Variants in LRIT1 observed in about 807,000 individuals in gnomAD.
The protein encoded by LRIT1 is leucine-rich repeat, immunoglobulin-like domain and transmembrane domain-containing protein 1.
A neutral mutation model predicts 24.0 loss-of-function variants in LRIT1; 23 were observed. The ratio of observed to expected loss-of-function variants is 0.96; its 90% confidence interval spans 0.69 to 1.36. The LOEUF is 1.36. LRIT1 is among the 40% of genes most tolerant of loss of function. The pLI, the probability that LRIT1 is intolerant of heterozygous loss-of-function variation, is 0.00. For synonymous variants in LRIT1, 361 were observed against 340.5 expected, an observed-to-expected ratio of 1.06 and a Z score of -0.66; for missense variants, 846 against 806.3, an observed-to-expected ratio of 1.05 and a Z score of -0.60.
At chr10:84,237,997 A>T (rs1210968759) in intron 1 of LRIT1, among the ~76,000 whole-genome samples, 2 of 152,164 alleles carry the variant, frequency 1.3e-5, no homozygotes, top group Non-Finnish European at 2.9e-5. Context: ...TGCACTAAGA[A>T]TGAACAGCAT....
chr10:84,233,000 C>A, intron 3 of LRIT1, 97 bp from the exon 4 acceptor site: 1 of 1,334,408 alleles, frequency 7.5e-7, no homozygotes, highest in South Asian at 1.4e-5. Context: ...GGTACACACT[C>A]AGGTGTCATC....
Position 84,232,908 on chromosome 10 carries a change from G to A in LRIT1, c.896-5C>T, listed in dbSNP as rs370498981. ...CACTGGAGACTTCCTGGTGCACTAG[G>A]AGGAAAACAGGCATGTGTGGGAGAA... On this transcript the variant is annotated splice_region_variant and splice_polypyrimidine_tract_variant and intron_variant, in intron 3 of 3. Coordinates refer to ENST00000372105, the MANE Select transcript of LRIT1 (RefSeq NM_015613.3). The A allele has an allele frequency of 3.0e-5, 48 of 1,606,984 alleles. No individual in the cohort carries two copies. Among genetic ancestry groups the A allele is most frequent in the Non-Finnish European group, 3.8e-5 (45 of 1,178,916 alleles).
At position 84,232,809 on chromosome 10, in the gene LRIT1, G is replaced by T; in HGVS notation, c.990C>A (p.Ala330=). The T allele has an allele frequency of 6.2e-7, 1 of 1,613,650 alleles. No homozygotes were observed. The highest frequency in any genetic ancestry group is 8.5e-7 in the Non-Finnish European group (1 of 1,180,032). ...HLDSGDYICQ[A]KNFLGASETV... ...TTTCAGAGGCTCCCAGGAAGTTCTT[G>T]GCTTGGCAGATGTAGTCTCCGGAGT... is the stretch of plus-strand genomic sequence containing the variant. Residue 330 remains alanine, a synonymous_variant, in exon 4 of 4, where the codon GCC becomes GCA. Coordinates refer to ENST00000372105, the MANE Select transcript of LRIT1 (RefSeq NM_015613.3).
In LRIT1 at chr10:84,232,395, C is replaced by A; in HGVS notation, c.1404G>T (p.Gln468His). ...GCACAATCACCCGCCGCATGCTGTG[C>A]TGCCCAAAGACCGCGTAGAGGACAC... is the stretch of plus-strand genomic sequence containing the variant. ...AFSVLYAVFG[Q>H]HSMRRVIVQP... Residue 468 changes from glutamine (Q) to histidine (H), a missense_variant, in exon 4 of 4, where the codon CAG becomes CAT. Gln to His is a conservative substitution (Grantham distance 24, BLOSUM62 0). Coordinates refer to ENST00000372105, the MANE Select transcript of LRIT1 (RefSeq NM_015613.3). 1.9e-6 allele frequency: 3 copies of A among 1,614,108 alleles called. No homozygotes were observed. The highest frequency in any genetic ancestry group is 2.5e-6 in the Non-Finnish European group (3 of 1,179,996).
Position 84,232,223 on chromosome 10 carries a change from G to T in LRIT1, c.1576C>A (p.Gln526Lys). 6.2e-7 allele frequency: 1 copy of T among 1,614,206 alleles called. No homozygotes were observed. ...NEVVDAENTQQLINVVVISVA... is the reference protein window; with the variant it reads ...NEVVDAENTQKLINVVVISVA... ...CTGATCACCACCACATTGATAAGCT[G>T]CTGAGTGTTCTCAGCATCCACCACT... The change falls in exon 4 of 4, where the codon CAG becomes AAG. Residue 526 changes from glutamine to lysine, a missense_variant. Gln to Lys is a moderately conservative substitution (Grantham distance 53). Coordinates refer to ENST00000372105, the MANE Select transcript of LRIT1 (RefSeq NM_015613.3).
chr10:84,232,933 A>G (rs756009322), intron 3 of LRIT1, 30 bp from the exon 4 acceptor site: 18 of 1,591,546 alleles, frequency 1.1e-5, no homozygotes, highest in Non-Finnish European at 1.5e-5. Context: ...GTGTGGGAGA[A>G]CGAATGGGCC....
In LRIT1 at chr10:84,231,630, G is replaced by C; in HGVS notation, c.*297C>G. 2.5e-6 allele frequency: 1 copy of C among 399,888 alleles called. No individual in the cohort carries two copies. Among genetic ancestry groups the C allele is most frequent in the Non-Finnish European group, 4.6e-6 (1 of 217,502 alleles). The allele number at this position is 399,888 out of a possible 1,614,324, so 24.8% of individuals were successfully genotyped here. A position where few individuals can be genotyped will look rare whatever the true frequency, so the allele number is the denominator to read the frequency against. On this transcript the variant is annotated 3_prime_UTR_variant, in exon 4 of 4. Transcript: ENST00000372105. Reference sequence around the variant, plus strand: ...TGCTTTCATTTGTTATACAGCAAAAGCTGACTGATACAGGCAAGTTTCTTA... The same window carrying C: ...TGCTTTCATTTGTTATACAGCAAAACCTGACTGATACAGGCAAGTTTCTTA...
At chr10:84,238,842 G>A (rs1050815490) in intron 1 of LRIT1, among the ~76,000 whole-genome samples, 3 of 152,178 alleles carry the variant, frequency 2.0e-5, no homozygotes, top group South Asian at 2.1e-4. Flanking sequence ...CTAAAGCAGA[G>A]GATAGAGAGA....
chr10:84,238,066 T>G (rs184115667), intron 1 of LRIT1, among the ~76,000 whole-genome samples: 23 of 152,302 alleles, frequency 1.5e-4, no homozygotes, highest in African/African-American at 5.5e-4. Context: ...TTAGAAGTGT[T>G]CGTTTGGCCG....
intron 1 of LRIT1, among the ~76,000 whole-genome samples, chr10:84,240,673 CAG>C (rs1842684601): frequency 6.6e-6 from 1 of 152,046 alleles, no homozygotes; most frequent in Non-Finnish European, 1.5e-5. Context: ...AGGGATCAGA[CAG>C]AGGGTGGGGA....
chr10:84,231,830 T>C lies in LRIT1; in HGVS notation c.*97A>G. The C allele has an allele frequency of 1.5e-6, 2 of 1,366,304 alleles. No individual in the cohort carries two copies. The highest frequency in any genetic ancestry group is 2.0e-6 in the Non-Finnish European group (2 of 1,013,716). The allele number at this position is 1,366,304 out of a possible 1,614,324, so 84.6% of individuals were successfully genotyped here. A position where few individuals can be genotyped will look rare whatever the true frequency, so the allele number is the denominator to read the frequency against. The stretch of plus-strand genomic sequence containing the variant: ...GTGTGTAAGTATCTGAGTAAGCAGG[T>C]ACCCGAGCAGGTAAGAGTGGGTGAT... On this transcript the variant is annotated 3_prime_UTR_variant, in exon 4 of 4. Transcript: ENST00000372105.
rs777284648 is a variant in LRIT1 at position 84,237,315 on chromosome 10, T to C, written c.494A>G (p.Asn165Ser). Residue 165 changes from asparagine (N) to serine (S), a missense_variant, in exon 2 of 4, where the codon AAC (asparagine) becomes AGC (serine). Transcript: ENST00000372105. ...ENLTFLDLSS[N>S]QLMRLPQELI... ...CTCCTGCGGGAGCCTCATCAGCTGG[T>C]TGCTGGAGAGGTCGAGGAAGGTGAG... 1.3e-6 allele frequency: 2 copies of C among 1,550,968 alleles called. No homozygotes were observed. Among genetic ancestry groups the C allele is most frequent in the South Asian group, 1.2e-5 (1 of 84,052 alleles).
At chr10:84,234,903 T>C (rs1041836884) in intron 2 of LRIT1, among the ~76,000 whole-genome samples, 1 of 152,062 alleles carries the variant, frequency 6.6e-6, no homozygotes, top group Non-Finnish European at 1.5e-5. Context: ...GGCCAGAAAA[T>C]CAAATCCTAG....
chr10:84,232,074 C>T lies in LRIT1; in HGVS notation c.1725G>A (p.Glu575=), dbSNP rs773735675. ...AGCCGTCCTCGCTGTAGCCCAGTCT[C>T]TCTAGGTTGACGTAGGTAACTGTGG... ...TEATVTYVNL[E]RLGYSEDGLE... Residue 575 remains glutamate, a synonymous_variant, in exon 4 of 4, where the codon GAG becomes GAA. Coordinates refer to ENST00000372105, the MANE Select transcript of LRIT1 (RefSeq NM_015613.3). The T allele has an allele frequency of 1.4e-5, 22 of 1,614,082 alleles. No individual in the cohort carries two copies. The highest frequency in any genetic ancestry group is 2.2e-5 in the South Asian group (2 of 91,088).
Position 84,232,643 on chromosome 10 carries a change from T to C in LRIT1, c.1156A>G (p.Ile386Val), listed in dbSNP as rs1161696921. The C allele has an allele frequency of 5.0e-6, 8 of 1,613,512 alleles. No individual in the cohort carries two copies. The highest frequency in any genetic ancestry group is 5.9e-6 in the Non-Finnish European group (7 of 1,179,606). The change falls in exon 4 of 4, where the codon ATT becomes GTT. Residue 386 changes from isoleucine to valine, a missense_variant. Ile to Val is a conservative substitution (Grantham distance 29). Coordinates refer to ENST00000372105, the MANE Select transcript of LRIT1 (RefSeq NM_015613.3). ...GTGGCCAGGACAGCGGGTTTGGGAA[T>C]CTGGGGGACATGCCTGGCCACCAGC... ...NKLVARHVPQ[I>V]PKPAVLATGP...
chr10:84,235,580 C>T (rs937337978), intron 2 of LRIT1, among the ~76,000 whole-genome samples: 1 of 150,248 alleles, frequency 6.7e-6, no homozygotes, highest in Non-Finnish European at 1.5e-5. Flanking sequence ...GTTTTCACCT[C>T]TTTTGTTCTC....
chr10:84,237,106 A>G (rs1219349672), intron 2 of LRIT1, 114 bp downstream of exon 2: 23 of 857,896 alleles, frequency 2.7e-5, no homozygotes, highest in East Asian at 5.3e-5. Flanking sequence ...TGTGGATCTC[A>G]CTGTCTTTGC....
At chr10:84,238,688 T>C (rs867650216) in intron 1 of LRIT1, among the ~76,000 whole-genome samples, 1 of 152,188 alleles carries the variant, frequency 6.6e-6, no homozygotes, top group African/African-American at 2.4e-5. Flanking sequence ...GCCCAGCACA[T>C]TGCCTGCCAC....
intron 1 of LRIT1, 49 bp from the exon 2 acceptor site, chr10:84,237,735 G>A: frequency 6.9e-7 from 1 of 1,444,550 alleles, no homozygotes; most frequent in Non-Finnish European, 9.4e-7. Context: ...GCCGGGTCTG[G>A]GATCTCCCAC....
Sources: gnomAD v4.1 joint callset for allele counts (sites outside exome capture counted in the v4.1 genomes callset) on GRCh38, gnomAD v4.1.1 for gene constraint, MANE v1.5 for transcripts, NCBI Gene and HGNC (gene_info 2026-07-23, HGNC 2026-07-21) for gene names.